Variants in ZNF138 observed in about 807,000 individuals in gnomAD.
ZNF138 encodes zinc finger protein 138 (clone pHZ-32).
Under a neutral mutation model 33.0 loss-of-function variants are expected in ZNF138, and 33 were observed. The ratio of observed to expected loss-of-function variants is 1.00; its 90% CI spans 0.76 to 1.34. The LOEUF is 1.34. Among genes scored for constraint, ZNF138 ranks in the 40% most tolerant of loss-of-function variants. ZNF138 has a pLI of 0.00. For synonymous variants in ZNF138, 139 were observed against 120.4 expected, an observed-to-expected ratio of 1.15 and a Z score of -1.01; for missense variants, 360 against 370.8, an observed-to-expected ratio of 0.97 and a Z score of 0.24.
chr7:64,802,119 G>C (rs1005270301), intron 1 of ZNF138, among the ~76,000 whole-genome samples: 2 of 152,188 alleles, frequency 1.3e-5, no homozygotes, highest in African/African-American at 2.4e-5. Context: ...GAAATACATG[G>C]ATTTGTCCGA....
At chr7:64,796,061 A>C (rs1264633649) in intron 1 of ZNF138, among the ~76,000 whole-genome samples, 1 of 152,234 alleles carries the variant, frequency 6.6e-6, no homozygotes, top group Non-Finnish European at 1.5e-5. Flanking sequence ...TCTTCAAACC[A>C]ACCCAGTGTC....
At chr7:64,843,106 T>C in the ZNF138 span, among the ~76,000 whole-genome samples, 140,192 of 152,230 alleles carry the variant, frequency 0.92, 65,642 homozygotes, top group Non-Finnish European at 1. Flanking sequence ...TCGACAAATA[T>C]AATGTTTTCC....
the ZNF138 span, among the ~76,000 whole-genome samples, chr7:64,839,511 C>T: frequency 6.6e-6 from 1 of 152,140 alleles, no homozygotes; most frequent in Non-Finnish European, 1.5e-5. Flanking sequence ...ACTTGGGTCT[C>T]CTGGTGACCC....
At chr7:64,858,298 G>A in the ZNF138 span, among the ~76,000 whole-genome samples, 20 of 152,152 alleles carry the variant, frequency 1.3e-4, no homozygotes, top group African/African-American at 4.3e-4. Context: ...GTGATGTGTG[G>A]ATAAAAAGCA....
intron 1 of ZNF138, among the ~76,000 whole-genome samples, chr7:64,808,652 C>T (rs1221688155): frequency 6.7e-6 from 1 of 149,596 alleles, no homozygotes; most frequent in Non-Finnish European, 1.5e-5. Flanking sequence ...GGGGATTTGG[C>T]AGGGTCATAG....
At chr7:64,807,207 T>C (rs999606266) in intron 1 of ZNF138, among the ~76,000 whole-genome samples, 6 of 152,202 alleles carry the variant, frequency 3.9e-5, no homozygotes. Flanking sequence ...GGCTCTCAGC[T>C]CTGAAGGCTG....
intron 1 of ZNF138, among the ~76,000 whole-genome samples, chr7:64,809,999 T>C: frequency 1.3e-5 from 1 of 79,590 alleles, no homozygotes; most frequent in Non-Finnish European, 2.5e-5. Context: ...GAGGGGCTCC[T>C]CACATCCCAG....
At position 64,810,314 on chromosome 7, in the gene ZNF138, G is replaced by A. The variant is rs1475297109; in HGVS notation, c.4-4604G>A. Among the ~76,000 whole-genome samples, 22 of 146,670 alleles carry A rather than the reference G, an allele frequency of 1.5e-4. 1 individual carries two copies. The South Asian group carries it at 5.0e-3, about 33-fold the overall frequency. On this transcript the variant is annotated intron_variant, in intron 1 of 3. Coordinates refer to ENST00000307355, the MANE Select transcript of ZNF138 (RefSeq NM_001271639.2). Reference sequence around the variant, plus strand: ...CCACCAAAACCAGTCAGGCGTGGTGGCGCGAGCCTGCAATCGCAGGCACTC... The same window carrying A: ...CCACCAAAACCAGTCAGGCGTGGTGACGCGAGCCTGCAATCGCAGGCACTC...
the ZNF138 span, among the ~76,000 whole-genome samples, chr7:64,839,200 T>G: frequency 2.6e-5 from 4 of 152,198 alleles, no homozygotes; most frequent in Non-Finnish European, 5.9e-5. Flanking sequence ...CGAGATTGGT[T>G]GTCTAAGGTA....
chr7:64,839,375 G>C, the ZNF138 span, among the ~76,000 whole-genome samples: 1 of 152,198 alleles, frequency 6.6e-6, no homozygotes, highest in Admixed American at 6.5e-5. Flanking sequence ...AGCCGTCTGA[G>C]GGACAGCAGA....
chr7:64,847,706 G>T, the ZNF138 span, among the ~76,000 whole-genome samples: 2 of 151,798 alleles, frequency 1.3e-5, no homozygotes, highest in Non-Finnish European at 1.5e-5. Context: ...TGCATGGAAT[G>T]TTTTTTTTCC....
chr7:64,794,520 T>G lies in ZNF138; in HGVS notation c.-49T>G. ...AGCCTCTGTGGCGCTGTGATCTGGT[T>G]ATTGGGAGATTCACAGCTAAGACGC... On this transcript the variant is annotated 5_prime_UTR_variant, in exon 1 of 4. Coordinates refer to ENST00000307355, the MANE Select transcript of ZNF138 (RefSeq NM_001271639.2). The G allele has an allele frequency of 6.2e-7, 1 of 1,611,878 alleles. No individual in the cohort carries two copies. Among genetic ancestry groups the G allele is most frequent in the Non-Finnish European group, 8.5e-7 (1 of 1,178,624 alleles).
At chr7:64,834,751 T>C (rs200274591), downstream of ZNF138, among the ~76,000 whole-genome samples, 20 of 151,972 alleles carry the variant, frequency 1.3e-4, no homozygotes, top group East Asian at 2.3e-3. Context: ...CTCTTTGTGT[T>C]TAATTTATAA....
chr7:64,841,091 A>G, the ZNF138 span, among the ~76,000 whole-genome samples: 1 of 152,054 alleles, frequency 6.6e-6, no homozygotes, highest in Admixed American at 6.6e-5. Context: ...CCTAGTACTC[A>G]TGCTAGACCT....
At chr7:64,860,465 C>T in the ZNF138 span, among the ~76,000 whole-genome samples, 1 of 152,110 alleles carries the variant, frequency 6.6e-6, no homozygotes, top group African/African-American at 2.4e-5. Flanking sequence ...TTTTTACTTA[C>T]ACTAAGTTAC....
In ZNF138 at chr7:64,831,914, A is replaced by T; in HGVS notation, c.672A>T (p.Lys224Asn). 1 of 1,613,758 alleles carries T rather than the reference A, an allele frequency of 6.2e-7. No homozygotes were observed. ...TTCATACTGGAGAAAAACCCTACAA[A>T]TGTGAAGTATGTGGAAAAGCCTTTC... ...KKIHTGEKPY[K>N]CEVCGKAFHQ... The change falls in exon 4 of 4, where the codon AAA (lysine) becomes AAT (asparagine). Residue 224 changes from lysine (K) to asparagine (N), a missense_variant. Transcript: ENST00000307355.
the ZNF138 span, chr7:64,853,350 G>A: frequency 6.5e-7 from 1 of 1,548,576 alleles, no homozygotes; most frequent in African/African-American, 1.4e-5. Flanking sequence ...CTCCCATGTA[G>A]ATATGGTTGT....
intron 1 of ZNF138, among the ~76,000 whole-genome samples, chr7:64,811,508 A>G (rs1224089748): frequency 6.6e-6 from 1 of 151,936 alleles, no homozygotes; most frequent in Non-Finnish European, 1.5e-5. Context: ...ACCATGCCCA[A>G]CTAATTTTTG....
At chr7:64,821,646 A>C (rs1436513059) in intron 3 of ZNF138, among the ~76,000 whole-genome samples, 1 of 151,074 alleles carries the variant, frequency 6.6e-6, no homozygotes, top group South Asian at 2.1e-4. Flanking sequence ...TCCCGGGTTC[A>C]AGTGATTCTC....
Sources: allele counts gnomAD v4.1 joint callset (sites outside exome capture counted in the v4.1 genomes callset), GRCh38; gene constraint gnomAD v4.1.1; transcripts MANE v1.5; gene names NCBI Gene and HGNC (gene_info 2026-07-23, HGNC 2026-07-21).